Variants in JAZF1 observed in about 807,000 individuals in gnomAD.
The protein encoded by JAZF1 is JAZF zinc finger 1.
Under a neutral mutation model 26.4 loss-of-function variants are expected in JAZF1, and 8 were observed. That is an observed-to-expected ratio of 0.30 (90% CI 0.18 to 0.55). The LOEUF (loss-of-function observed/expected upper bound fraction) is 0.55, where lower values mean the gene tolerates loss of function less well. JAZF1 is among the 20% of genes least tolerant of loss of function. The pLI, the probability that JAZF1 is intolerant of heterozygous loss-of-function variation, is 0.94. For missense variants in JAZF1, 199 were observed against 322.0 expected, an observed-to-expected ratio of 0.62 and a Z score of 2.92; for synonymous variants, 126 against 122.3, an observed-to-expected ratio of 1.03 and a Z score of -0.20.
chr7:27,985,688 G>A (rs1335144843), intron 2 of JAZF1, among the ~76,000 whole-genome samples: 6 of 151,970 alleles, frequency 3.9e-5, no homozygotes, highest in Admixed American at 1.3e-4. Flanking sequence ...GATGAACATC[G>A]ATGCAAAAAT....
intron 1 of JAZF1, among the ~76,000 whole-genome samples, chr7:28,067,062 C>G (rs1194334725): frequency 6.6e-6 from 1 of 152,166 alleles, no homozygotes; most frequent in African/African-American, 2.4e-5. Context: ...CTTTGACAAG[C>G]TGCTGCCATC....
intron 4 of JAZF1, among the ~76,000 whole-genome samples, chr7:27,835,706 C>A (rs1460263861): frequency 6.6e-6 from 1 of 152,176 alleles, no homozygotes; most frequent in Non-Finnish European, 1.5e-5. Context: ...CTCCATCCAG[C>A]CATTCAGTTA....
intron 3 of JAZF1, among the ~76,000 whole-genome samples, chr7:27,869,156 G>A (rs188081419): frequency 2.6e-4 from 39 of 152,212 alleles, no homozygotes; most frequent in Middle Eastern, 6.8e-3. Flanking sequence ...AGGTTTTTAC[G>A]TGGTTTGGTA....
intron 1 of JAZF1, among the ~76,000 whole-genome samples, chr7:28,068,420 C>T (rs1783920116): frequency 6.6e-6 from 1 of 152,166 alleles, no homozygotes; most frequent in Admixed American, 6.5e-5. Flanking sequence ...AAACAATCCT[C>T]TTGTCGTATC....
chr7:27,835,873 A>G (rs1454767231), intron 4 of JAZF1, among the ~76,000 whole-genome samples: 1 of 152,246 alleles, frequency 6.6e-6, no homozygotes, highest in East Asian at 1.9e-4. Context: ...AATTGCTGAA[A>G]TTCTTTGGTC....
chr7:27,923,536 G>A (rs1784566421), intron 2 of JAZF1, among the ~76,000 whole-genome samples: 1 of 152,204 alleles, frequency 6.6e-6, no homozygotes, highest in Non-Finnish European at 1.5e-5. Flanking sequence ...GGGAGGCTGT[G>A]GCTGACTGGA....
chr7:28,090,785 T>C (rs1275832769), intron 1 of JAZF1, among the ~76,000 whole-genome samples: 1 of 151,928 alleles, frequency 6.6e-6, no homozygotes, highest in South Asian at 2.1e-4. Context: ...AGCTCTTATT[T>C]TTTTTTCTAT....
intron 1 of JAZF1, among the ~76,000 whole-genome samples, chr7:28,147,723 C>A (rs944352119): frequency 5.5e-4 from 80 of 145,866 alleles, no homozygotes; most frequent in African/African-American, 1.6e-3. Context: ...TATATACACA[C>A]AAAAAAAAAT....
chr7:28,150,176 C>T (rs548133392), intron 1 of JAZF1, among the ~76,000 whole-genome samples: 12 of 152,180 alleles, frequency 7.9e-5, no homozygotes, highest in Non-Finnish European at 1.3e-4. Flanking sequence ...CAGAAAGCTT[C>T]GGGGGGCAGG....
At chr7:28,108,881 G>A (rs1583564567) in intron 1 of JAZF1, among the ~76,000 whole-genome samples, 1 of 152,162 alleles carries the variant, frequency 6.6e-6, no homozygotes, top group Non-Finnish European at 1.5e-5. Context: ...ATAAAAAAAG[G>A]AAACTGCCAT....
chr7:28,081,623 T>C (rs951857708), intron 1 of JAZF1, among the ~76,000 whole-genome samples: 1 of 152,130 alleles, frequency 6.6e-6, no homozygotes, highest in Non-Finnish European at 1.5e-5. Flanking sequence ...TGCTCCACCC[T>C]TTCCCCTTGT....
At chr7:28,110,151 C>G (rs1184474855) in intron 1 of JAZF1, among the ~76,000 whole-genome samples, 1 of 152,112 alleles carries the variant, frequency 6.6e-6, no homozygotes, top group Non-Finnish European at 1.5e-5. Context: ...TTAGGCCGGG[C>G]ATGGTGGCTC....
chr7:28,071,558 A>G (rs1220533445), intron 1 of JAZF1: 4 of 468,464 alleles, frequency 8.5e-6, no homozygotes, highest in Non-Finnish European at 1.8e-5. Context: ...AGTATGTCCC[A>G]TAAAAGTATT....
At chr7:28,023,452 A>G (rs1431637820) in intron 1 of JAZF1, among the ~76,000 whole-genome samples, 1 of 152,260 alleles carries the variant, frequency 6.6e-6, no homozygotes, top group East Asian at 1.9e-4. Context: ...AGAGAAAATA[A>G]AAAAGGTTAT....
chr7:27,893,917 C>A (rs1222528308), intron 3 of JAZF1, among the ~76,000 whole-genome samples: 1 of 152,146 alleles, frequency 6.6e-6, no homozygotes, highest in Non-Finnish European at 1.5e-5. Flanking sequence ...CTGGGGTAAG[C>A]TGAGAAGTGC....
At chr7:28,090,371 G>A (rs1368854614) in intron 1 of JAZF1, among the ~76,000 whole-genome samples, 2 of 152,000 alleles carry the variant, frequency 1.3e-5, no homozygotes, top group Non-Finnish European at 2.9e-5. Flanking sequence ...TCTTAATACT[G>A]GGTTTCCCCA....
chr7:27,865,742 A>T (rs1279000530), intron 3 of JAZF1, among the ~76,000 whole-genome samples: 1 of 152,108 alleles, frequency 6.6e-6, no homozygotes, highest in East Asian at 1.9e-4. Flanking sequence ...GCTGTTGCCA[A>T]TCCAACTTCC....
chr7:28,080,836 T>C (rs1359196173), intron 1 of JAZF1, among the ~76,000 whole-genome samples: 1 of 151,284 alleles, frequency 6.6e-6, no homozygotes, highest in East Asian at 1.9e-4. Flanking sequence ...ACAATAACAA[T>C]GAAATTTAAA....
chr7:27,861,841 A>G (rs1277180810), intron 3 of JAZF1, among the ~76,000 whole-genome samples: 2 of 152,246 alleles, frequency 1.3e-5, no homozygotes, highest in Non-Finnish European at 2.9e-5. Flanking sequence ...ACCACCTCAC[A>G]GGTCCTTTCC....
Sources: allele counts gnomAD v4.1 joint callset (sites outside exome capture counted in the v4.1 genomes callset), GRCh38; gene constraint gnomAD v4.1.1; transcripts MANE v1.5; gene names NCBI Gene and HGNC (gene_info 2026-07-23, HGNC 2026-07-21).